LRP1B: variants seen among roughly 807,000 people sequenced by gnomAD.
The protein encoded by LRP1B is low-density lipoprotein receptor-related protein 1B.
Under a neutral mutation model 556.6 loss-of-function variants are expected in LRP1B, and 217 were observed. That is an observed-to-expected ratio of 0.39 (90% confidence interval 0.35 to 0.44). The LOEUF is 0.44. Among genes scored for constraint, LRP1B ranks in the 20% least tolerant of loss-of-function variants. LRP1B has a pLI of 1.00. For missense variants in LRP1B, 5,053 were observed against 5,620.8 expected (o/e 0.90, Z 3.23); for synonymous variants, 2,047 against 1,865.8 (o/e 1.10, Z -2.50).
intron 3 of LRP1B, among the ~76,000 whole-genome samples, chr2:141,263,280 T>C (rs928418411): frequency 1.3e-5 from 2 of 151,972 alleles, no homozygotes; most frequent in African/African-American, 2.4e-5. Context: ...ACATTACAAA[T>C]ATCAAATTAG....
intron 52 of LRP1B, among the ~76,000 whole-genome samples, chr2:140,509,483 T>C (rs1689561780): frequency 6.6e-6 from 1 of 152,138 alleles, no homozygotes; most frequent in Non-Finnish European, 1.5e-5. Flanking sequence ...ACCCTATCCA[T>C]AGGACTAATA....
intron 2 of LRP1B, among the ~76,000 whole-genome samples, chr2:141,648,335 A>C (rs1419358304): frequency 6.6e-6 from 1 of 152,174 alleles, no homozygotes; most frequent in African/African-American, 2.4e-5. Context: ...TTATTGCCTT[A>C]TTGGTTTTAT....
chr2:141,614,697 C>T (rs2105327312), intron 2 of LRP1B, among the ~76,000 whole-genome samples: 1 of 151,518 alleles, frequency 6.6e-6, no homozygotes, highest in East Asian at 2.0e-4. Flanking sequence ...AGATTGTTTG[C>T]CTTCACCAAA....
chr2:141,480,161 G>GTA (rs1261917292), intron 3 of LRP1B, among the ~76,000 whole-genome samples: 6 of 19,516 alleles, frequency 3.1e-4, no homozygotes, highest in Non-Finnish European at 8.8e-4. Flanking sequence ...GTCTAAATTT[G>GTA]TGTGTGTGTG....
intron 3 of LRP1B, among the ~76,000 whole-genome samples, chr2:141,305,951 T>C (rs78898091): frequency 0.066 from 10,047 of 152,274 alleles, 433 homozygotes; most frequent in East Asian, 0.15. Flanking sequence ...TTGATCATAG[T>C]GATCAACATC....
Position 140,886,180 on chromosome 2 carries a change from C to T in LRP1B, c.3922G>A (p.Val1308Ile), listed in dbSNP as rs1693632458. 1 of 1,610,122 alleles carries T rather than the reference C, an allele frequency of 6.2e-7. No individual in the cohort carries two copies. The highest frequency in any genetic ancestry group is 1.7e-5 in the Admixed American group (1 of 59,832). The part of the protein sequence containing the change: ...NQSLLYWTDV[V>I]EDRIYRGKLS... ...TTTCCCCGGTATATTCTGTCTTCTA[C>T]AACATCTGTCCAATAAAGTAAACTT... Residue 1308 changes from valine to isoleucine, a missense_variant, in exon 24 of 91, where the codon GTA becomes ATA. This residue lies in a region of LRP1B where 3,619 missense variants were observed against 3,931.9 expected (regional missense o/e 0.92). Transcript: ENST00000389484.
intron 3 of LRP1B, among the ~76,000 whole-genome samples, chr2:141,313,832 G>A (rs1686899537): frequency 6.6e-6 from 1 of 150,974 alleles, no homozygotes; most frequent in South Asian, 2.1e-4. Context: ...TCCATCACTA[G>A]TTTCAGTGTC....
In LRP1B at chr2:140,774,580, T is replaced by C. The variant is rs578011768; in HGVS notation, c.5500+1518A>G. ...CTCTCTTGCACACCTTCCCTCTCTC[T>C]GTCATATTTTCTAACGTTATGTTTT... is the stretch of plus-strand genomic sequence containing the variant. On this transcript the variant is annotated intron_variant, in intron 33 of 90. Coordinates refer to ENST00000389484, the MANE Select transcript of LRP1B (RefSeq NM_018557.3). Among the ~76,000 whole-genome samples the C allele has an allele frequency of 2.4e-4, 36 of 152,296 alleles. 1 individual carries two copies. The highest frequency in any genetic ancestry group is 3.9e-4 in the East Asian group (2 of 5,188).
chr2:140,728,416 A>AC (rs1553519436), intron 35 of LRP1B, among the ~76,000 whole-genome samples: 1 of 151,978 alleles, frequency 6.6e-6, no homozygotes, highest in East Asian at 1.9e-4. Context: ...CCAAGGAGAA[A>AC]TTTTTTTATT....
chr2:141,538,534 C>A (rs1010883843), intron 2 of LRP1B, among the ~76,000 whole-genome samples: 7 of 151,954 alleles, frequency 4.6e-5, no homozygotes, highest in African/African-American at 1.7e-4. Flanking sequence ...CATTTTAAAC[C>A]CTGAATACAG....
chr2:140,393,346 T>C (rs1684108719), intron 66 of LRP1B, among the ~76,000 whole-genome samples: 1 of 152,148 alleles, frequency 6.6e-6, no homozygotes, highest in African/African-American at 2.4e-5. Context: ...TCACTATTGA[T>C]TAATGTTTTA....
intron 87 of LRP1B, among the ~76,000 whole-genome samples, chr2:140,243,609 G>T (rs1234672428): frequency 6.6e-6 from 1 of 151,038 alleles, no homozygotes; most frequent in African/African-American, 2.4e-5. Flanking sequence ...TTGGTACATT[G>T]TAATGTTAAA....
intron 7 of LRP1B, among the ~76,000 whole-genome samples, chr2:141,123,555 C>T (rs533991679): frequency 1.3e-5 from 2 of 152,030 alleles, no homozygotes; most frequent in Non-Finnish European, 2.9e-5. Flanking sequence ...TGTAAATATG[C>T]TCTCTACTAT....
chr2:142,081,246 T>C (rs1402829942), intron 1 of LRP1B, among the ~76,000 whole-genome samples: 1 of 151,928 alleles, frequency 6.6e-6, no homozygotes, highest in Admixed American at 6.6e-5. Flanking sequence ...AACCTCAAGA[T>C]GGAGGAAAAA....
chr2:140,522,364 T>A (rs573853778), intron 49 of LRP1B, among the ~76,000 whole-genome samples: 1 of 152,008 alleles, frequency 6.6e-6, no homozygotes, highest in South Asian at 2.1e-4. Context: ...TAACAAATGA[T>A]TATTTGAAAC....
chr2:140,311,169 A>G (rs536068734), intron 83 of LRP1B, among the ~76,000 whole-genome samples: 1 of 151,892 alleles, frequency 6.6e-6, no homozygotes, highest in Non-Finnish European at 1.5e-5. Context: ...CAATCCCACT[A>G]CTGAGTATAT....
chr2:140,751,852 A>G (rs1441472963), intron 35 of LRP1B, among the ~76,000 whole-genome samples: 1 of 152,212 alleles, frequency 6.6e-6, no homozygotes. Flanking sequence ...TAAATTAAAG[A>G]TACCACTATC....
At chr2:140,932,791 A>G in intron 20 of LRP1B, among the ~76,000 whole-genome samples, 1 of 148,338 alleles carries the variant, frequency 6.7e-6, no homozygotes, top group Admixed American at 6.8e-5. Context: ...AGAGGGGAGG[A>G]TTGCTTGAGT....
chr2:140,636,295 T>C (rs559867438), intron 41 of LRP1B, among the ~76,000 whole-genome samples: 14 of 152,272 alleles, frequency 9.2e-5, no homozygotes, highest in African/African-American at 2.9e-4. Flanking sequence ...TATAGTAGCA[T>C]GGCATGCATT....
Sources: allele counts gnomAD v4.1 joint callset (sites outside exome capture counted in the v4.1 genomes callset), GRCh38; gene constraint gnomAD v4.1.1; regional missense constraint gnomAD v4.1.1; transcripts MANE v1.5; gene names NCBI Gene and HGNC (gene_info 2026-07-23, HGNC 2026-07-21).